The following CA12 variants were observed in gnomAD, a reference collection of about 807,000 sequenced individuals.
CA12 encodes the protein carbonate dehydratase XII.
CA12 carries 36 observed loss-of-function variants against 46.8 expected under a neutral mutation model. The observed-to-expected ratio is 0.77, with a 90% CI of 0.59 to 1.02. The LOEUF is 1.02. Ranked by LOEUF, CA12 falls within the 50% of genes least tolerant of loss-of-function variation. The pLI, the probability that CA12 is intolerant of heterozygous loss-of-function variation, is 0.00. For synonymous variants in CA12, 202 were observed against 187.0 expected (o/e 1.08, Z -0.65); for missense variants, 436 against 451.4 (o/e 0.97, Z 0.31).
In CA12 at chr15:63,374,116, C is replaced by G. The variant is rs943962316; in HGVS notation, c.106+1542G>C. On this transcript the variant is annotated intron_variant, in intron 2 of 10. Transcript: ENST00000178638. This position sits in a 1 kb window ranked among gnomAD's most constrained non-coding sequence, Gnocchi z 4.4. Reference sequence around the variant, plus strand: ...AACACAGACTTACTCCCTGCCCTGCCCCTCCAGGAGCAGGACAAAGTGGGA... The same window carrying G: ...AACACAGACTTACTCCCTGCCCTGCGCCTCCAGGAGCAGGACAAAGTGGGA... Among the ~76,000 whole-genome samples the G allele has an allele frequency of 6.6e-6, 1 of 152,262 alleles. No individual in the cohort carries two copies. The highest frequency in any genetic ancestry group is 2.4e-5 in the African/African-American group (1 of 41,542).
In CA12 at chr15:63,373,958, G is replaced by A. The variant is rs761871576; in HGVS notation, c.106+1700C>T. 5.3e-5 allele frequency among the ~76,000 whole-genome samples: 8 copies of A among 152,148 alleles called. No homozygotes were observed. The highest frequency in any genetic ancestry group is 1.0e-4 in the Non-Finnish European group (7 of 68,040). ...TTGTCAGTTCTCTTATCCTGGCCTG[G>A]CCTTCCCCCTCACTGCCACCACTGT... On this transcript the variant is annotated intron_variant, in intron 2 of 10. Coordinates refer to ENST00000178638, the MANE Select transcript of CA12 (RefSeq NM_001218.5). The surrounding 1 kb of genome is among the most constrained non-coding windows in gnomAD (Gnocchi z 4.9).
rs1389993684 is a variant in CA12, at chr15:63,329,920, A to G, written c.875-1790T>C. 6.6e-6 allele frequency among the ~76,000 whole-genome samples: 1 copy of G among 152,154 alleles called. No individual in the cohort carries two copies. Among genetic ancestry groups the G allele is most frequent in the Non-Finnish European group, 1.5e-5 (1 of 68,026 alleles). ...CGATTGTCTTTTTCTGCAATCTCAC[A>G]TTGAACCTGCAGAGCCTCCCTGGTC... On this transcript the variant is annotated intron_variant, in intron 8 of 10. Transcript: ENST00000178638. The surrounding 1 kb of genome is among the most constrained non-coding windows in gnomAD (Gnocchi z 4.8).
intron 2 of CA12, among the ~76,000 whole-genome samples, chr15:63,359,588 CAAAT>C (rs1232909066): frequency 6.6e-6 from 1 of 152,006 alleles, no homozygotes; most frequent in Non-Finnish European, 1.5e-5. Context: ...AACCCTCAGA[CAAAT>C]AAAAATCGAG....
intron 2 of CA12, among the ~76,000 whole-genome samples, chr15:63,368,330 G>A (rs10851728): frequency 0.25 from 37,295 of 152,010 alleles, 5,388 homozygotes; most frequent in East Asian, 0.5. Context: ...TGGTGCCTGC[G>A]CTCCACCGTG....
intron 2 of CA12, among the ~76,000 whole-genome samples, chr15:63,366,464 TA>T (rs2152624866): frequency 6.6e-6 from 1 of 152,360 alleles, no homozygotes; most frequent in South Asian, 2.1e-4. Flanking sequence ...CTCTGTACTG[TA>T]AGGCCCCGCT....
At chr15:63,379,194 G>A (rs2039613563) in intron 1 of CA12, 1 of 152,124 alleles carries the variant, frequency 6.6e-6, no homozygotes, top group African/African-American at 2.4e-5. Flanking sequence ...AGCTGGCTTG[G>A]GACTCCAGAC....
In CA12 at chr15:63,381,670, T is replaced by A. The variant is rs771792723; in HGVS notation, c.51A>T (p.Leu17Phe). 1 of 1,611,636 alleles carries A rather than the reference T, an allele frequency of 6.2e-7. No individual in the cohort carries two copies. Among genetic ancestry groups the A allele is most frequent in the Non-Finnish European group, 8.5e-7 (1 of 1,179,044 alleles). The change falls in exon 1 of 11, where the codon TTA (leucine) becomes TTT (phenylalanine). Residue 17 changes from leucine to phenylalanine, a missense_variant. Coordinates refer to ENST00000178638, the MANE Select transcript of CA12 (RefSeq NM_001218.5). The stretch of plus-strand genomic sequence containing the variant: ...GGGCCGGGCTGGAAGGCTGTTCCTT[T>A]AAGATCACCAGCAGGAGCACGGCCG... ...HAAAVLLLVI[L>F]KEQPSSPAPV...
At chr15:63,347,064 A>C (rs937886585) in intron 2 of CA12, among the ~76,000 whole-genome samples, 1 of 152,154 alleles carries the variant, frequency 6.6e-6, no homozygotes, top group Non-Finnish European at 1.5e-5. Context: ...GCCAGGAATT[A>C]CTCTGGGTCT....
In CA12 at chr15:63,327,304, G is replaced by T; in HGVS notation, c.908-71C>A. 2.6e-6 allele frequency: 3 copies of T among 1,162,162 alleles called. No individual in the cohort carries two copies. The highest frequency in any genetic ancestry group is 2.6e-5 in the South Asian group (2 of 77,404). 72.0% of individuals were successfully genotyped at this position (1,162,162 alleles called of 1,614,324 possible). On this transcript the variant is annotated intron_variant, in intron 9 of 10. Coordinates refer to ENST00000178638, the MANE Select transcript of CA12 (RefSeq NM_001218.5). This position sits in a 1 kb window ranked among gnomAD's most constrained non-coding sequence, Gnocchi z 4.5. Reference sequence around the variant, plus strand: ...CCATCTTAGCCCATGGCCCCCGGGTGTGAAATCATGGCCCAGCTGCATAAT... The same window carrying T: ...CCATCTTAGCCCATGGCCCCCGGGTTTGAAATCATGGCCCAGCTGCATAAT...
At chr15:63,363,925 C>T (rs954811486) in intron 2 of CA12, among the ~76,000 whole-genome samples, 4 of 152,264 alleles carry the variant, frequency 2.6e-5, no homozygotes, top group South Asian at 2.1e-4. Flanking sequence ...CGGTGGCTCA[C>T]GCCTGTAATC....
In CA12 at chr15:63,376,557, C is replaced by CCTTTCTTTCTTTCTCTTTCTTT. The variant is rs1555432624; in HGVS notation, c.86-880_86-879insAAAGAAAGAGAAAGAAAGAAAG. Among the ~76,000 whole-genome samples the CCTTTCTTTCTTTCTCTTTCTTT allele has an allele frequency of 5.7e-5, 6 of 104,526 alleles. No homozygotes were observed. The East Asian group carries it at 8.6e-4, about 15-fold the overall frequency. 68.6% of individuals were successfully genotyped at this position (104,526 alleles called of 152,430 possible). ...CTCTCCCCTCCCACTCTCTTTCTTT[C>CCTTTCTTTCTTTCTCTTTCTTT]CTTTCTTTCTTTCTTTCTTTCTTTC... On this transcript the variant is annotated intron_variant, in intron 1 of 10. Coordinates refer to ENST00000178638, the MANE Select transcript of CA12 (RefSeq NM_001218.5).
chr15:63,336,371 G>T (rs1440007508), intron 8 of CA12, among the ~76,000 whole-genome samples: 1 of 152,074 alleles, frequency 6.6e-6, no homozygotes, highest in Non-Finnish European at 1.5e-5. Context: ...ACAAGCGGGG[G>T]TTACTTTTGG....
intron 10 of CA12, 83 bp from the exon 11 acceptor site, chr15:63,326,440 G>A: frequency 8.8e-7 from 1 of 1,135,758 alleles, no homozygotes; most frequent in Non-Finnish European, 1.3e-6. Flanking sequence ...ATGGAATGAG[G>A]CCGTTTTTAA....
rs1336445070 is a variant in CA12, at chr15:63,355,738, G to C, written c.107-9029C>G. ...TAACCCCTATCATGAAAACTAGCCAGGCCTGAGCCCCCCATCAGTGCTCAC... is the reference window on the plus strand; with the variant it reads ...TAACCCCTATCATGAAAACTAGCCACGCCTGAGCCCCCCATCAGTGCTCAC... On this transcript the variant is annotated intron_variant, in intron 2 of 10. Coordinates refer to ENST00000178638, the MANE Select transcript of CA12 (RefSeq NM_001218.5). The surrounding 1 kb of genome is among the most constrained non-coding windows in gnomAD (Gnocchi z 4.1). 1.3e-5 allele frequency among the ~76,000 whole-genome samples: 2 copies of C among 149,596 alleles called. No homozygotes were observed. Among genetic ancestry groups the C allele is most frequent in the African/African-American group, 2.6e-5 (1 of 38,930 alleles).
rs571496629 is a variant in CA12 at position 63,329,993 on chromosome 15, C to A, written c.875-1863G>T. On this transcript the variant is annotated intron_variant, in intron 8 of 10. Transcript: ENST00000178638. This position sits in a 1 kb window ranked among gnomAD's most constrained non-coding sequence, Gnocchi z 4.8. ...CTGGTCTGGCTTCCCCAGGTGGCAC[C>A]GGGCTGCTGTGAGGGTTAGCAGAGC... Among the ~76,000 whole-genome samples the A allele has an allele frequency of 6.6e-6, 1 of 152,190 alleles. No individual in the cohort carries two copies. Among genetic ancestry groups the A allele is most frequent in the East Asian group, 1.9e-4 (1 of 5,198 alleles).
chr15:63,362,090 A>G (rs1193666810), intron 2 of CA12, among the ~76,000 whole-genome samples: 1 of 152,180 alleles, frequency 6.6e-6, no homozygotes, highest in Non-Finnish European at 1.5e-5. Flanking sequence ...TTCTGTCACT[A>G]CCAGCTCTGC....
At chr15:63,362,062 C>G (rs966257666) in intron 2 of CA12, among the ~76,000 whole-genome samples, 1 of 152,126 alleles carries the variant, frequency 6.6e-6, no homozygotes, top group Non-Finnish European at 1.5e-5. Flanking sequence ...GTTTTTGAAG[C>G]TTTGCGGGCC....
rs1050878757 is a variant in CA12, at chr15:63,374,756, C to T, written c.106+902G>A. On this transcript the variant is annotated intron_variant, in intron 2 of 10. Transcript: ENST00000178638. The surrounding 1 kb of genome is among the most constrained non-coding windows in gnomAD (Gnocchi z 4.4). Reference sequence around the variant, plus strand: ...GCTTCCACTGTAGTAATCAACTTCCCGCCTGTCCCCGCCCACAGCCATTGC... The same window carrying T: ...GCTTCCACTGTAGTAATCAACTTCCTGCCTGTCCCCGCCCACAGCCATTGC... 2.0e-5 allele frequency among the ~76,000 whole-genome samples: 3 copies of T among 152,112 alleles called. No homozygotes were observed. The highest frequency in any genetic ancestry group is 4.4e-5 in the Non-Finnish European group (3 of 68,032).
rs978625501 is a variant in CA12, at chr15:63,355,390, C to T, written c.107-8681G>A. Among the ~76,000 whole-genome samples the T allele has an allele frequency of 2.6e-5, 4 of 152,214 alleles. No homozygotes were observed. Among genetic ancestry groups the T allele is most frequent in the Non-Finnish European group, 4.4e-5 (3 of 68,036 alleles). On this transcript the variant is annotated intron_variant, in intron 2 of 10. Coordinates refer to ENST00000178638, the MANE Select transcript of CA12 (RefSeq NM_001218.5). The surrounding 1 kb of genome is among the most constrained non-coding windows in gnomAD (Gnocchi z 4.1). ...CCCAGTAGTCCAGTGGTTCTCAAAG[C>T]GTGGCTCCAGACAAGCATTATCATC... is the stretch of plus-strand genomic sequence containing the variant.
Sources: allele counts gnomAD v4.1 joint callset (sites outside exome capture counted in the v4.1 genomes callset), GRCh38; gene constraint gnomAD v4.1.1; non-coding constraint Gnocchi (gnomAD v3.1); transcripts MANE v1.5; gene names NCBI Gene and HGNC (gene_info 2026-07-23, HGNC 2026-07-21).